The following RGS7 variants were observed in gnomAD, a reference collection of about 807,000 sequenced individuals.
The protein encoded by RGS7 is regulator of G protein signaling 7, also known as regulator of G-protein signaling 7.
In RGS7, 27 loss-of-function variants were observed where a neutral mutation model predicts 81.1. The observed-to-expected ratio is 0.33, with a 90% CI of 0.25 to 0.46. The LOEUF (loss-of-function observed/expected upper bound fraction) is 0.46. Ranked by LOEUF, RGS7 falls within the 20% of genes least tolerant of loss-of-function variation. The probability of loss-of-function intolerance (pLI) is 1.00; values close to 1 mark genes in which losing one functional copy is unlikely to be tolerated. For synonymous variants in RGS7, 208 were observed against 207.7 expected (o/e 1.00, Z -0.01); for missense variants, 396 against 607.4 (o/e 0.65, Z 3.66).
intron 2 of RGS7, among the ~76,000 whole-genome samples, chr1:241,345,221 T>C (rs998426899): frequency 2.6e-5 from 4 of 152,032 alleles, no homozygotes; most frequent in East Asian, 1.9e-4. Context: ...ACAACACACA[T>C]TGAGGCCTAT....
At chr1:240,921,343 T>G (rs565385067) in intron 6 of RGS7, among the ~76,000 whole-genome samples, 169 of 151,138 alleles carry the variant, frequency 1.1e-3, no homozygotes, top group African/African-American at 3.7e-3. Context: ...AAAAAAAAAC[T>G]AGATGCTTTC....
At chr1:240,869,028 A>C (rs183944235) in intron 7 of RGS7, among the ~76,000 whole-genome samples, 176 bp from the exon 8 acceptor site, 1 of 152,260 alleles carries the variant, frequency 6.6e-6, no homozygotes, top group African/African-American at 2.4e-5. Context: ...TCATATTGGC[A>C]GTCTTAAAGG....
intron 6 of RGS7, among the ~76,000 whole-genome samples, chr1:240,872,887 G>T (rs984108714): frequency 6.6e-6 from 1 of 152,070 alleles, no homozygotes; most frequent in African/African-American, 2.4e-5. Flanking sequence ...GACCAGTGTG[G>T]CCAAGATGCT....
At chr1:241,096,000 C>T (rs2064222745) in intron 3 of RGS7, among the ~76,000 whole-genome samples, 2 of 152,188 alleles carry the variant, frequency 1.3e-5, no homozygotes, top group African/African-American at 4.8e-5. Context: ...GTTAGATTTA[C>T]AACATTTGCG....
At chr1:241,193,641 G>C (rs2072856418) in intron 2 of RGS7, among the ~76,000 whole-genome samples, 1 of 152,164 alleles carries the variant, frequency 6.6e-6, no homozygotes, top group South Asian at 2.1e-4. Flanking sequence ...GAAGGATCTA[G>C]AGTACTTATA....
At chr1:241,014,968 C>T (rs939235839) in intron 3 of RGS7, among the ~76,000 whole-genome samples, 1 of 152,114 alleles carries the variant, frequency 6.6e-6, no homozygotes, top group Non-Finnish European at 1.5e-5. Flanking sequence ...TCCAGTTCAG[C>T]CTAGATACAG....
At chr1:240,963,736 G>C (rs879586619) in intron 4 of RGS7, among the ~76,000 whole-genome samples, 1 of 152,208 alleles carries the variant, frequency 6.6e-6, no homozygotes, top group Non-Finnish European at 1.5e-5. Context: ...AAATAGGAGA[G>C]ACATAGGAGA....
At chr1:241,286,474 C>T (rs1272219371) in intron 2 of RGS7, among the ~76,000 whole-genome samples, 1 of 152,114 alleles carries the variant, frequency 6.6e-6, no homozygotes, top group Non-Finnish European at 1.5e-5. Flanking sequence ...GAATTCCCAC[C>T]CCCAAAAAAA....
At chr1:240,834,677 AT>A (rs547579514) in intron 9 of RGS7, among the ~76,000 whole-genome samples, 1 of 151,542 alleles carries the variant, frequency 6.6e-6, no homozygotes, top group Non-Finnish European at 1.5e-5. Flanking sequence ...CGCCCAGCTA[AT>A]TTTTTTGTAT....
intron 6 of RGS7, among the ~76,000 whole-genome samples, chr1:240,924,477 T>C (rs549253995): frequency 1.3e-5 from 2 of 152,168 alleles, no homozygotes; most frequent in Non-Finnish European, 2.9e-5. Context: ...ACTTTAATTG[T>C]TTAAATTGGG....
chr1:241,070,178 T>C (rs2062349090), intron 3 of RGS7, among the ~76,000 whole-genome samples: 1 of 152,006 alleles, frequency 6.6e-6, no homozygotes, highest in African/African-American at 2.4e-5. Flanking sequence ...GAAACATGAG[T>C]AGAAGAAAGC....
intron 4 of RGS7, among the ~76,000 whole-genome samples, chr1:240,974,300 T>C (rs1683735255): frequency 6.6e-6 from 1 of 152,224 alleles, no homozygotes; most frequent in Non-Finnish European, 1.5e-5. Flanking sequence ...CTTATTCTTC[T>C]ATCTGCATTT....
At chr1:241,232,694 G>T (rs969807047) in intron 2 of RGS7, among the ~76,000 whole-genome samples, 2 of 150,948 alleles carry the variant, frequency 1.3e-5, no homozygotes, top group Non-Finnish European at 2.9e-5. Context: ...AAAAGGCCTG[G>T]GGGGAGCTTA....
At chr1:241,308,068 A>T (rs561474893) in intron 2 of RGS7, among the ~76,000 whole-genome samples, 1 of 151,718 alleles carries the variant, frequency 6.6e-6, no homozygotes, top group African/African-American at 2.4e-5. Flanking sequence ...ATTAGGTATA[A>T]CTCTGGAGAC....
intron 4 of RGS7, among the ~76,000 whole-genome samples, chr1:240,966,394 C>T (rs1682302055): frequency 6.6e-6 from 1 of 152,108 alleles, no homozygotes; most frequent in Admixed American, 6.5e-5. Context: ...GAATTTGTCT[C>T]TTTATGATTT....
intron 18 of RGS7, among the ~76,000 whole-genome samples, chr1:240,799,013 G>A (rs991768654): frequency 3.3e-5 from 5 of 151,938 alleles, no homozygotes; most frequent in African/African-American, 9.7e-5. Context: ...ATCCTATAAA[G>A]GTGTCTCATA....
At chr1:240,790,400 A>G (rs1685786734) in intron 18 of RGS7, among the ~76,000 whole-genome samples, 1 of 152,166 alleles carries the variant, frequency 6.6e-6, no homozygotes, top group African/African-American at 2.4e-5. Context: ...TGATCCCCAC[A>G]ACCCCTTGCC....
chr1:240,922,631 CAT>C (rs1373066231), intron 6 of RGS7, among the ~76,000 whole-genome samples: 1 of 152,010 alleles, frequency 6.6e-6, no homozygotes, highest in African/African-American at 2.4e-5. Context: ...TGCTCAATAT[CAT>C]ATGTTATTAG....
chr1:240,859,416 T>C (rs1460086662), intron 9 of RGS7, among the ~76,000 whole-genome samples: 1 of 150,802 alleles, frequency 6.6e-6, no homozygotes, highest in East Asian at 1.9e-4. Flanking sequence ...TTTAGTACAT[T>C]GTGTTTTTCT....
Sources: gnomAD v4.1 joint callset for allele counts (sites outside exome capture counted in the v4.1 genomes callset) on GRCh38, gnomAD v4.1.1 for gene constraint, MANE v1.5 for transcripts, NCBI Gene and HGNC (gene_info 2026-07-23, HGNC 2026-07-21) for gene names.